Variants in LRGUK observed in about 807,000 individuals in gnomAD.
The protein encoded by LRGUK is leucine rich repeats and guanylate kinase domain containing, also known as leucine-rich repeat and guanylate kinase domain-containing protein.
LRGUK carries 65 observed loss-of-function variants against 76.0 expected under a neutral mutation model. The observed-to-expected ratio is 0.85, with a 90% CI of 0.70 to 1.05. The LOEUF (loss-of-function observed/expected upper bound fraction) is 1.05, where lower values mean the gene tolerates loss of function less well. LRGUK is among the 50% of genes least tolerant of loss of function. The pLI is 0.00. For synonymous variants in LRGUK, 268 were observed against 265.6 expected, an observed-to-expected ratio of 1.01 and a Z score of -0.09; for missense variants, 758 against 732.8, an observed-to-expected ratio of 1.03 and a Z score of -0.40.
chr7:134,268,718 T>G (rs1335133944), downstream of LRGUK, among the ~76,000 whole-genome samples: 2 of 13,682 alleles, frequency 1.5e-4, no homozygotes, highest in Non-Finnish European at 4.3e-4. Flanking sequence ...GCAAAAAATC[T>G]TTTTTTTTTT....
chr7:134,139,517 G>C, exon 3 of LRGUK: 1 of 1,585,712 alleles, frequency 6.3e-7, no homozygotes, highest in Non-Finnish European at 8.7e-7. Flanking sequence ...TAAAATTGAA[G>C]GTATGTAATT....
At chr7:134,218,062 A>G (rs1231567036) in intron 15 of LRGUK, among the ~76,000 whole-genome samples, 1 of 152,120 alleles carries the variant, frequency 6.6e-6, no homozygotes, top group African/African-American at 2.4e-5. Flanking sequence ...CCCAGGTTCA[A>G]GTGATTCTCC....
chr7:134,179,894 G>C (rs914649637), intron 10 of LRGUK, among the ~76,000 whole-genome samples: 2 of 152,146 alleles, frequency 1.3e-5, no homozygotes, highest in Middle Eastern at 3.2e-3. Flanking sequence ...ACAACTCTCT[G>C]TCAGCACCAG....
chr7:134,191,532 A>G (rs1305148366), intron 11 of LRGUK, 123 bp from the exon 12 acceptor site: 3 of 705,700 alleles, frequency 4.3e-6, no homozygotes, highest in South Asian at 1.7e-5. Flanking sequence ...TTACAACTGT[A>G]TTACTTTATG....
intron 6 of LRGUK, among the ~76,000 whole-genome samples, chr7:134,160,580 T>A (rs1798683296): frequency 6.6e-6 from 1 of 152,200 alleles, no homozygotes; most frequent in Admixed American, 6.5e-5. Context: ...GAAGAACAAT[T>A]CACCATATGA....
chr7:134,178,581 G>T, exon 10 of LRGUK: 1 of 1,612,802 alleles, frequency 6.2e-7, no homozygotes, highest in Non-Finnish European at 8.5e-7. Context: ...TGTCAACAGC[G>T]TGATGCAGCC....
At chr7:134,139,903 T>C (rs552809655) in intron 3 of LRGUK, among the ~76,000 whole-genome samples, 1 of 152,328 alleles carries the variant, frequency 6.6e-6, no homozygotes, top group South Asian at 2.1e-4. Flanking sequence ...TTTTCTTTAT[T>C]TTGCTTTTGC....
downstream of LRGUK, among the ~76,000 whole-genome samples, chr7:134,265,380 A>G (rs1802837814): frequency 6.6e-6 from 1 of 152,198 alleles, no homozygotes; most frequent in Non-Finnish European, 1.5e-5. Context: ...CAGATGGGCT[A>G]TGGATCTCAG....
chr7:134,245,943 C>T (rs1802289322), intron 16 of LRGUK, among the ~76,000 whole-genome samples: 1 of 152,134 alleles, frequency 6.6e-6, no homozygotes, highest in African/African-American at 2.4e-5. Context: ...TTGTTCCTTT[C>T]TTCTCTCATT....
At chr7:134,208,707 G>A in exon 16 of LRGUK, 1 of 398,926 alleles carries the variant, frequency 2.5e-6, no homozygotes, top group Non-Finnish European at 4.4e-6. Context: ...ATTAAAGCAG[G>A]AGCTCCCGCT....
intron 2 of LRGUK, among the ~76,000 whole-genome samples, chr7:134,137,712 G>A (rs141707290): frequency 1.1e-3 from 164 of 152,308 alleles, no homozygotes; most frequent in African/African-American, 3.7e-3. Context: ...GGCTGTAAGA[G>A]CAAACTACTG....
At chr7:134,261,098 A>G (rs909716685) in intron 19 of LRGUK, among the ~76,000 whole-genome samples, 1 of 152,130 alleles carries the variant, frequency 6.6e-6, no homozygotes. Flanking sequence ...TATTTCAGCC[A>G]GTCTGTAGTT....
Position 134,216,839 on chromosome 7 carries a change from T to C in LRGUK, c.1844-4940T>C, listed in dbSNP as rs530383775. Among the ~76,000 whole-genome samples, 32 of 152,246 alleles carry C rather than the reference T, an allele frequency of 2.1e-4. 1 individual carries two copies. Among genetic ancestry groups the C allele is most frequent in the African/African-American group, 7.5e-4 (31 of 41,572 alleles). ...CAGAGAATGTTTTTGCTGGAGAAAG[T>C]GACCAATGAAGTAACATCTTTGAAA... On this transcript the variant is annotated intron_variant, in intron 15 of 19. Coordinates refer to the LRGUK transcript ENST00000285928.
At chr7:134,225,575 A>T (rs1339912925) in intron 16 of LRGUK, among the ~76,000 whole-genome samples, 1 of 152,228 alleles carries the variant, frequency 6.6e-6, no homozygotes, top group Non-Finnish European at 1.5e-5. Flanking sequence ...TTTCATAGAA[A>T]AGCAAATCAA....
chr7:134,206,533 A>ATATATATATATAATATATGTATGTG (rs1491381594), intron 15 of LRGUK, among the ~76,000 whole-genome samples: 2 of 149,502 alleles, frequency 1.3e-5, no homozygotes, highest in Non-Finnish European at 3.0e-5. Context: ...AAATAAATAC[A>ATATATATATATAATATATGTATGTG]TATATATATA....
intron 5 of LRGUK, among the ~76,000 whole-genome samples, chr7:134,152,842 A>G (rs56159467): frequency 0.083 from 12,682 of 152,036 alleles, 886 homozygotes; most frequent in East Asian, 0.32. Flanking sequence ...CATTCATAAG[A>G]GAAAGCATAA....
intron 3 of LRGUK, among the ~76,000 whole-genome samples, chr7:134,141,985 C>T (rs1035577706): frequency 8.5e-5 from 13 of 152,110 alleles, no homozygotes; most frequent in African/African-American, 2.9e-4. Flanking sequence ...AGGGAAGATA[C>T]CAGGAGGCCC....
At chr7:134,157,826 A>G (rs116204745) in intron 5 of LRGUK, among the ~76,000 whole-genome samples, 60 of 152,332 alleles carry the variant, frequency 3.9e-4, no homozygotes, top group African/African-American at 1.4e-3. Flanking sequence ...CCCAGCCACT[A>G]TGCCTTTTTA....
intron 19 of LRGUK, among the ~76,000 whole-genome samples, chr7:134,262,681 G>A (rs1263968953): frequency 2.0e-5 from 3 of 151,846 alleles, no homozygotes; most frequent in African/African-American, 7.3e-5. Context: ...CAGCAAACAA[G>A]GAAGGGCCAG....
Sources: gnomAD v4.1 joint callset for allele counts (sites outside exome capture counted in the v4.1 genomes callset) on GRCh38, gnomAD v4.1.1 for gene constraint, MANE v1.5 for transcripts, NCBI Gene and HGNC (gene_info 2026-07-23, HGNC 2026-07-21) for gene names.